The following L3MBTL4 variants were observed in gnomAD, a reference collection of about 807,000 sequenced individuals.
L3MBTL4 encodes the protein L3MBTL histone methyl-lysine binding protein 4, also known as lethal(3)malignant brain tumor-like protein 4.
L3MBTL4 carries 70 observed loss-of-function variants against 84.5 expected under a neutral mutation model. The ratio of observed to expected loss-of-function variants is 0.83; its 90% CI spans 0.68 to 1.01. L3MBTL4 has a LOEUF of 1.01. Ranked by LOEUF, L3MBTL4 falls within the 50% of genes least tolerant of loss-of-function variation. The pLI is 0.00. For synonymous variants in L3MBTL4, 274 were observed against 259.8 expected, an observed-to-expected ratio of 1.05 and a Z score of -0.52; for missense variants, 715 against 754.8, an observed-to-expected ratio of 0.95 and a Z score of 0.62.
chr18:6,119,065 G>A (rs1291399475), intron 14 of L3MBTL4, among the ~76,000 whole-genome samples: 2 of 131,382 alleles, frequency 1.5e-5, no homozygotes, highest in East Asian at 4.7e-4. Flanking sequence ...TTGCAAGGCT[G>A]AGTCCACCTC....
At chr18:6,108,887 G>A (rs1488527238) in intron 14 of L3MBTL4, among the ~76,000 whole-genome samples, 1 of 152,190 alleles carries the variant, frequency 6.6e-6, no homozygotes, top group Non-Finnish European at 1.5e-5. Context: ...GGAATCTAGA[G>A]ATGATTTAAA....
At chr18:6,344,417 G>A (rs183275520) in intron 1 of L3MBTL4, among the ~76,000 whole-genome samples, 3 of 152,242 alleles carry the variant, frequency 2.0e-5, no homozygotes, top group Non-Finnish European at 4.4e-5. Context: ...AATAAAGAAA[G>A]CCCAGTATCT....
At chr18:6,208,860 C>T (rs917819089) in intron 12 of L3MBTL4, among the ~76,000 whole-genome samples, 1 of 152,194 alleles carries the variant, frequency 6.6e-6, no homozygotes, top group Non-Finnish European at 1.5e-5. Context: ...TAAAACCCTG[C>T]CATGGCATGA....
intron 16 of L3MBTL4, among the ~76,000 whole-genome samples, chr18:6,055,979 G>A (rs1427863371): frequency 3.9e-5 from 6 of 152,090 alleles, no homozygotes; most frequent in African/African-American, 1.2e-4. Context: ...GCTATAAGGC[G>A]ATGACCTCAG....
intron 4 of L3MBTL4, among the ~76,000 whole-genome samples, chr18:6,273,674 G>A (rs1245970736): frequency 6.6e-6 from 1 of 152,240 alleles, no homozygotes; most frequent in Non-Finnish European, 1.5e-5. Context: ...TAAGCCATGA[G>A]AATGTGAGAT....
chr18:6,348,349 C>T (rs1440934560), intron 1 of L3MBTL4, among the ~76,000 whole-genome samples: 1 of 151,900 alleles, frequency 6.6e-6, no homozygotes, highest in Non-Finnish European at 1.5e-5. Flanking sequence ...GCTTGCACTA[C>T]CAGATAGCAT....
chr18:6,219,350 G>A (rs2046455317), intron 10 of L3MBTL4, among the ~76,000 whole-genome samples: 4 of 151,852 alleles, frequency 2.6e-5, no homozygotes, highest in African/African-American at 7.2e-5. Flanking sequence ...GCGAGAGGGC[G>A]GGACTGTAAA....
intron 1 of L3MBTL4, among the ~76,000 whole-genome samples, chr18:6,359,522 C>A (rs1477294249): frequency 6.6e-6 from 1 of 151,992 alleles, no homozygotes; most frequent in East Asian, 1.9e-4. Flanking sequence ...TAAGTTTTCT[C>A]TAAACACTTT....
intron 16 of L3MBTL4, among the ~76,000 whole-genome samples, chr18:6,067,573 T>C (rs2057442621): frequency 6.6e-6 from 1 of 152,202 alleles, no homozygotes; most frequent in Non-Finnish European, 1.5e-5. Flanking sequence ...TTCTAGTCTA[T>C]TGAAGAAACT....
chr18:6,218,953 GGA>G (rs1323986241), intron 10 of L3MBTL4, among the ~76,000 whole-genome samples: 1 of 152,080 alleles, frequency 6.6e-6, no homozygotes, highest in Non-Finnish European at 1.5e-5. Flanking sequence ...ATGAAATACA[GGA>G]GACCGCCCCA....
intron 13 of L3MBTL4, among the ~76,000 whole-genome samples, chr18:6,143,002 A>G (rs1015722832): frequency 6.6e-5 from 10 of 152,334 alleles, no homozygotes; most frequent in Non-Finnish European, 1.2e-4. Context: ...TCTAAACTGC[A>G]TCTCACAATA....
intron 1 of L3MBTL4, among the ~76,000 whole-genome samples, chr18:6,388,750 G>T (rs341203): frequency 0.51 from 76,935 of 151,938 alleles, 19,548 homozygotes; most frequent in East Asian, 0.59. Context: ...TATCAGCTCA[G>T]AGGTGGAACT....
intron 4 of L3MBTL4, among the ~76,000 whole-genome samples, chr18:6,271,169 T>C (rs371402417): frequency 3.9e-5 from 6 of 152,336 alleles, no homozygotes; most frequent in African/African-American, 1.4e-4. Flanking sequence ...TCAGTTCTAT[T>C]GCACACCATG....
At chr18:6,279,029 G>A (rs1477232299) in intron 4 of L3MBTL4, among the ~76,000 whole-genome samples, 3 of 152,072 alleles carry the variant, frequency 2.0e-5, no homozygotes, top group East Asian at 1.9e-4. Flanking sequence ...GGGCAGGGGC[G>A]GTGATTTGAT....
intron 16 of L3MBTL4, among the ~76,000 whole-genome samples, chr18:6,043,688 C>A (rs191000718): frequency 6.6e-6 from 1 of 152,250 alleles, no homozygotes. Flanking sequence ...AAGACAGGTT[C>A]GATACCTGGT....
At chr18:6,389,104 G>T (rs1453247204) in intron 1 of L3MBTL4, among the ~76,000 whole-genome samples, 1 of 152,100 alleles carries the variant, frequency 6.6e-6, no homozygotes, top group Non-Finnish European at 1.5e-5. Flanking sequence ...AAACTCAGCA[G>T]AAACCTTCCA....
At chr18:6,239,274 A>G (rs374034674) in intron 9 of L3MBTL4, among the ~76,000 whole-genome samples, 11,301 of 149,096 alleles carry the variant, frequency 0.076, 1,475 homozygotes, top group African/African-American at 0.27. Context: ...CCGGGAGGCG[A>G]AGCTTGCAGT....
chr18:6,007,810 T>C (rs1005262790), intron 16 of L3MBTL4, among the ~76,000 whole-genome samples: 2 of 152,156 alleles, frequency 1.3e-5, no homozygotes, highest in African/African-American at 4.8e-5. Flanking sequence ...CCCTTTTTTA[T>C]GAGTGGGTTG....
intron 13 of L3MBTL4, among the ~76,000 whole-genome samples, chr18:6,159,770 T>C (rs1374935942): frequency 6.6e-6 from 1 of 152,194 alleles, no homozygotes; most frequent in Non-Finnish European, 1.5e-5. Flanking sequence ...ATATATACCC[T>C]GGTGAGAAAA....
Sources: allele counts gnomAD v4.1 joint callset (sites outside exome capture counted in the v4.1 genomes callset), GRCh38; gene constraint gnomAD v4.1.1; transcripts MANE v1.5; gene names NCBI Gene and HGNC (gene_info 2026-07-23, HGNC 2026-07-21).